Variants in BCO1 observed in about 807,000 individuals in gnomAD.
The protein encoded by BCO1 is beta-carotene oxygenase 1.
In BCO1, 54 loss-of-function variants were observed where a neutral mutation model predicts 56.3. The observed-to-expected ratio is 0.96, with a 90% CI of 0.77 to 1.20. The LOEUF is 1.20. Ranked by LOEUF, BCO1 falls within the 50% of genes most tolerant of loss-of-function variation. The probability of loss-of-function intolerance (pLI) is 0.00; values close to 1 mark genes in which losing one functional copy is unlikely to be tolerated. For missense variants in BCO1, 801 were observed against 690.9 expected (o/e 1.16, Z -1.79); for synonymous variants, 318 against 266.1 (o/e 1.20, Z -1.90).
At chr16:81,257,191 C>G (rs1437185191) in intron 2 of BCO1, among the ~76,000 whole-genome samples, 1 of 152,142 alleles carries the variant, frequency 6.6e-6, no homozygotes, top group Non-Finnish European at 1.5e-5. Flanking sequence ...TTATTCCCAG[C>G]TGGGAAGGAC....
intron 2 of BCO1, among the ~76,000 whole-genome samples, chr16:81,250,811 C>A (rs1242568850): frequency 6.6e-6 from 1 of 152,092 alleles, no homozygotes; most frequent in Non-Finnish European, 1.5e-5. Context: ...GACCTCCTGA[C>A]CTCAGGTGAT....
chr16:81,280,324 GACAC>G lies in BCO1; in HGVS notation c.1102-509_1102-506del, dbSNP rs10607036. ...AAAAAAAAAATTACACACACACACAGACACACACACACACACACACACACACATT... is the reference window on the plus strand; with the variant it reads ...AAAAAAAAAATTACACACACACACAGACACACACACACACACACACACATT... On this transcript the variant is annotated intron_variant, in intron 7 of 10. Coordinates refer to ENST00000258168, the MANE Select transcript of BCO1 (RefSeq NM_017429.3). Among the ~76,000 whole-genome samples the G allele has an allele frequency of 7.8e-3, 878 of 113,280 alleles. 14 individuals are homozygous for G. Among genetic ancestry groups the G allele is most frequent in the African/African-American group, 0.021 (690 of 33,418 alleles). The allele number at this position is 113,280 out of a possible 152,430, so 74.3% of individuals were successfully genotyped here.
At chr16:81,274,939 T>G (rs1343395060) in intron 7 of BCO1, among the ~76,000 whole-genome samples, 1 of 152,002 alleles carries the variant, frequency 6.6e-6, no homozygotes, top group Non-Finnish European at 1.5e-5. Context: ...ATGAACCATC[T>G]GCTGCTTTGA....
chr16:81,246,130 C>G (rs1905401376), intron 2 of BCO1, among the ~76,000 whole-genome samples: 1 of 152,050 alleles, frequency 6.6e-6, no homozygotes, highest in African/African-American at 2.4e-5. Flanking sequence ...CGCCCGGCCT[C>G]CATCTCTATC....
At position 81,262,164 on chromosome 16, in the gene BCO1, C is replaced by T. The variant is rs752480679; in HGVS notation, c.352C>T (p.Pro118Ser). Reference sequence around the variant, plus strand: ...TTTCTCCTACTTGTCTCACACCATCCCCGATTTCACCGACAACTGCCTGAT... The same window carrying T: ...TTTCTCCTACTTGTCTCACACCATCTCCGATTTCACCGACAACTGCCTGAT... ...KAFSYLSHTIPDFTDNCLINI... is the reference protein window; with the variant it reads ...KAFSYLSHTISDFTDNCLINI... Residue 118 changes from proline to serine, a missense_variant, in exon 4 of 11, where the codon CCC becomes TCC. Transcript: ENST00000258168. The T allele has an allele frequency of 1.2e-6, 2 of 1,613,968 alleles. No individual in the cohort carries two copies. The highest frequency in any genetic ancestry group is 2.2e-5 in the South Asian group (2 of 91,070).
intron 6 of BCO1, among the ~76,000 whole-genome samples, chr16:81,269,892 A>T (rs1171718108): frequency 6.6e-6 from 1 of 152,066 alleles, no homozygotes; most frequent in African/African-American, 2.4e-5. Flanking sequence ...CTCTCCAAAC[A>T]CTGTCCTCCT....
rs1266586034 is a variant in BCO1 at position 81,290,553 on chromosome 16, C to T, written c.1620C>T (p.Asp540=). The T allele has an allele frequency of 6.2e-7, 1 of 1,613,854 alleles. No homozygotes were observed. The highest frequency in any genetic ancestry group is 8.5e-7 in the Non-Finnish European group (1 of 1,180,030). ...AGGAACAGCGGGACAGGGCTTCCGA[C>T]TGCCACGGGGCTCCTCTGACCTGAT... ...ASEEQRDRAS[D]CHGAPLT is the part of the protein sequence containing the mutation. Residue 540 remains aspartate (D), a synonymous_variant, in exon 11 of 11, where the codon GAC becomes GAT. Transcript: ENST00000258168.
Position 81,238,865 on chromosome 16 carries a change from C to T in BCO1, c.-44C>T, listed in dbSNP as rs1324112608. The T allele has an allele frequency of 1.9e-6, 3 of 1,553,678 alleles. No homozygotes were observed. Among genetic ancestry groups the T allele is most frequent in the Non-Finnish European group, 8.9e-7 (1 of 1,125,156 alleles). On this transcript the variant is annotated 5_prime_UTR_variant, in exon 1 of 11. Coordinates refer to ENST00000258168, the MANE Select transcript of BCO1 (RefSeq NM_017429.3). Reference sequence around the variant, plus strand: ...AGCATCTCCTGTGAACACAGAGGAGCACCTGTTTGCTGTTAAAATCGATCT... The same window carrying T: ...AGCATCTCCTGTGAACACAGAGGAGTACCTGTTTGCTGTTAAAATCGATCT...
At chr16:81,251,242 G>A (rs1019624495) in intron 2 of BCO1, among the ~76,000 whole-genome samples, 1 of 152,028 alleles carries the variant, frequency 6.6e-6, no homozygotes. Context: ...GCAGAGGCCA[G>A]TAGAAATTAA....
Position 81,238,815 on chromosome 16 carries a change from G to C in BCO1, c.-94G>C. On this transcript the variant is annotated 5_prime_UTR_variant, in exon 1 of 11. Transcript: ENST00000258168. ...GAAGGAGGGAAGGAGCAGGAGAGCAGGAAGGAAACGCAGGAGGAGGGAGCA... is the reference window on the plus strand; with the variant it reads ...GAAGGAGGGAAGGAGCAGGAGAGCACGAAGGAAACGCAGGAGGAGGGAGCA... 1.8e-6 allele frequency: 2 copies of C among 1,082,328 alleles called. No homozygotes were observed. The highest frequency in any genetic ancestry group is 2.9e-6 in the Non-Finnish European group (2 of 697,824). 67.0% of individuals were successfully genotyped at this position (1,082,328 alleles called of 1,614,324 possible).
intron 7 of BCO1, among the ~76,000 whole-genome samples, chr16:81,272,657 A>T (rs150917609): frequency 6.6e-6 from 1 of 152,202 alleles, no homozygotes; most frequent in African/African-American, 2.4e-5. Context: ...AGAGACTTAC[A>T]AAGGCTTCTG....
chr16:81,262,375 CT>C, intron 4 of BCO1, 92 bp downstream of exon 4: 2 of 1,419,304 alleles, frequency 1.4e-6, no homozygotes, highest in Non-Finnish European at 9.9e-7. Context: ...CTGCAAGCAG[CT>C]TACCAGGGGA....
At chr16:81,267,568 G>A (rs77108661) in intron 5 of BCO1, among the ~76,000 whole-genome samples, 4 of 152,178 alleles carry the variant, frequency 2.6e-5, no homozygotes, top group Non-Finnish European at 4.4e-5. Flanking sequence ...GGCTGAGATC[G>A]TGCCCCTACA....
chr16:81,244,265 G>A (rs1447073376), intron 1 of BCO1, among the ~76,000 whole-genome samples: 1 of 152,214 alleles, frequency 6.6e-6, no homozygotes, highest in Non-Finnish European at 1.5e-5. Flanking sequence ...CCCCTAGAAA[G>A]AGAACCTATG....
At chr16:81,256,731 T>C (rs1906159384) in intron 2 of BCO1, among the ~76,000 whole-genome samples, 1 of 151,802 alleles carries the variant, frequency 6.6e-6, no homozygotes, top group Admixed American at 6.6e-5. Context: ...CTACTAAAAA[T>C]ACAAAAATTA....
chr16:81,255,686 TA>T (rs1198037481), intron 2 of BCO1, among the ~76,000 whole-genome samples: 2 of 151,924 alleles, frequency 1.3e-5, no homozygotes, highest in Non-Finnish European at 2.9e-5. Flanking sequence ...TTTGTATTTT[TA>T]GTAGAGACAG....
chr16:81,248,781 G>T (rs551434003), intron 2 of BCO1, among the ~76,000 whole-genome samples: 1 of 152,286 alleles, frequency 6.6e-6, no homozygotes, highest in South Asian at 2.1e-4. Flanking sequence ...GGGAGCCAAG[G>T]TGGGCAGATC....
intron 7 of BCO1, among the ~76,000 whole-genome samples, chr16:81,274,033 G>C (rs899299566): frequency 2.0e-5 from 3 of 152,136 alleles, no homozygotes; most frequent in Non-Finnish European, 4.4e-5. Flanking sequence ...TGCTCCAGAA[G>C]CACCGCAGTG....
rs117372108 is a variant in BCO1 at position 81,280,847 on chromosome 16, A to G, written c.1102-10A>G. ...TTTTATTTTACTTTTTGAAAACTGA[A>G]TTTTTTCAGAATGCAGAAGTGGGCA... On this transcript the variant is annotated splice_polypyrimidine_tract_variant and intron_variant, in intron 7 of 10. Coordinates refer to ENST00000258168, the MANE Select transcript of BCO1 (RefSeq NM_017429.3). The G allele has an allele frequency of 1.1e-3, 1,705 of 1,604,390 alleles. 2 individuals are homozygous for G. Among genetic ancestry groups the G allele is most frequent in the Non-Finnish European group, 1.3e-3 (1,564 of 1,171,018 alleles).
Sources: gnomAD v4.1 joint callset for allele counts (sites outside exome capture counted in the v4.1 genomes callset) on GRCh38, gnomAD v4.1.1 for gene constraint, MANE v1.5 for transcripts, NCBI Gene and HGNC (gene_info 2026-07-23, HGNC 2026-07-21) for gene names.